Variants in WAC observed in about 807,000 individuals in gnomAD.
WAC encodes WW domain containing adaptor with coiled-coil.
A neutral mutation model predicts 79.6 loss-of-function variants in WAC; 11 were observed. That is an observed-to-expected ratio of 0.14 (90% CI 0.09 to 0.23). WAC has a LOEUF of 0.23. Ranked by LOEUF, WAC falls within the 10% of genes least tolerant of loss-of-function variation. The pLI, the probability that WAC is intolerant of heterozygous loss-of-function variation, is 1.00. For missense variants in WAC, 728 were observed against 773.5 expected (o/e 0.94, Z 0.70); for synonymous variants, 304 against 276.9 (o/e 1.10, Z -0.97).
At chr10:28,601,152 A>C (rs1270805558) in intron 7 of WAC, among the ~76,000 whole-genome samples, 2 of 152,142 alleles carry the variant, frequency 1.3e-5, no homozygotes, top group African/African-American at 4.8e-5. Context: ...TCATAGAATG[A>C]AAATATTTGT....
chr10:28,614,304 A>G (rs924874661), intron 10 of WAC, among the ~76,000 whole-genome samples: 5 of 146,792 alleles, frequency 3.4e-5, no homozygotes, highest in African/African-American at 1.2e-4. Flanking sequence ...ACGGGGTTTC[A>G]CCGTGGTCTC....
intron 3 of WAC, among the ~76,000 whole-genome samples, chr10:28,537,400 T>A (rs1375200644): frequency 2.9e-4 from 44 of 152,234 alleles, no homozygotes; most frequent in Non-Finnish European, 2.9e-5. Context: ...TGTACTATAC[T>A]GTATTTATTT....
rs529399924 is a variant in WAC at position 28,620,159 on chromosome 10, A to G, written c.*553A>G. ...GTGCTTCTCCATTTGTTTTGCAGAG[A>G]AATGTTTTTCATTTCCCGTGTGTTT... On this transcript the variant is annotated 3_prime_UTR_variant, in exon 14 of 14. Transcript: ENST00000354911. 9.2e-5 allele frequency: 14 copies of G among 152,702 alleles called. No homozygotes were observed. Among genetic ancestry groups the G allele is most frequent in the Admixed American group, 5.2e-4 (8 of 15,280 alleles). 9.5% of individuals were successfully genotyped at this position (152,702 alleles called of 1,614,324 possible).
At chr10:28,583,885 C>G (rs951330609) in intron 4 of WAC, among the ~76,000 whole-genome samples, 1 of 152,168 alleles carries the variant, frequency 6.6e-6, no homozygotes, top group Non-Finnish European at 1.5e-5. Flanking sequence ...CATTTATTAT[C>G]TACTGTGTCT....
chr10:28,548,110 A>G (rs1837462602), intron 3 of WAC, among the ~76,000 whole-genome samples: 1 of 151,340 alleles, frequency 6.6e-6, no homozygotes, highest in South Asian at 2.1e-4. Context: ...TTTAGTAGAA[A>G]CAGGGTTTTA....
At chr10:28,550,956 A>G (rs1017655348) in intron 3 of WAC, among the ~76,000 whole-genome samples, 5 of 152,212 alleles carry the variant, frequency 3.3e-5, no homozygotes, top group African/African-American at 9.6e-5. Context: ...CTGAAGTGAC[A>G]TTTTAAATTT....
At chr10:28,588,983 A>T (rs1481579508) in intron 4 of WAC, 4 of 152,180 alleles carry the variant, frequency 2.6e-5, no homozygotes, top group Non-Finnish European at 5.9e-5. Context: ...CCTGGGGGCA[A>T]TTAGATACTT....
chr10:28,593,926 A>G (rs371443292), intron 6 of WAC, among the ~76,000 whole-genome samples: 45 of 152,114 alleles, frequency 3.0e-4, no homozygotes, highest in African/African-American at 1.0e-3. Context: ...CACTAATGAC[A>G]CTTTGGGTGA....
At chr10:28,588,788 GATAC>G (rs1274700258) in intron 4 of WAC, 4 of 151,972 alleles carry the variant, frequency 2.6e-5, no homozygotes, top group South Asian at 2.1e-4. Context: ...GTGATGTTTC[GATAC>G]ATACAGTATA....
intron 3 of WAC, among the ~76,000 whole-genome samples, chr10:28,546,869 T>C (rs1837375387): frequency 1.1e-5 from 1 of 92,692 alleles, no homozygotes; most frequent in African/African-American, 3.6e-5. Flanking sequence ...TGATTTGTCT[T>C]TTTTTTTTTT....
At chr10:28,563,744 C>CCTTTTTTTTTTTTTTTTTT (rs1838427055) in intron 3 of WAC, among the ~76,000 whole-genome samples, 1 of 67,936 alleles carries the variant, frequency 1.5e-5, no homozygotes, top group East Asian at 9.6e-4. Flanking sequence ...CTACACCCAG[C>CCTTTTTTTTTTTTTTTTTT]TTTTTTTTTT....
At chr10:28,564,940 A>G (rs1838517124) in intron 3 of WAC, among the ~76,000 whole-genome samples, 2 of 152,192 alleles carry the variant, frequency 1.3e-5, no homozygotes, top group Non-Finnish European at 2.9e-5. Flanking sequence ...CACGGTCAAG[A>G]TACAGAGCAG....
At chr10:28,576,558 TG>T (rs1839255663) in intron 3 of WAC, among the ~76,000 whole-genome samples, 1 of 152,234 alleles carries the variant, frequency 6.6e-6, no homozygotes, top group South Asian at 2.1e-4. Flanking sequence ...TATTGGTTCA[TG>T]TGTAAAAAAG....
chr10:28,554,233 T>A (rs1327818185), intron 3 of WAC, among the ~76,000 whole-genome samples: 2 of 152,194 alleles, frequency 1.3e-5, no homozygotes, highest in Non-Finnish European at 2.9e-5. Context: ...CTACTTCATA[T>A]AAGGGAATTG....
Position 28,534,908 on chromosome 10 carries a change from T to G in WAC, c.79-654T>G, listed in dbSNP as rs150175546. Reference sequence around the variant, plus strand: ...TAGCTGATTACACATTGCAACAGATTAGTACATCATGATTGTCTTAAGATA... The same window carrying G: ...TAGCTGATTACACATTGCAACAGATGAGTACATCATGATTGTCTTAAGATA... On this transcript the variant is annotated intron_variant, in intron 2 of 13. Transcript: ENST00000354911. Among the ~76,000 whole-genome samples the G allele has an allele frequency of 1.4e-4, 22 of 152,336 alleles. No homozygotes were observed. In the East Asian group the frequency reaches 4.1e-3, roughly 28 times the overall value.
chr10:28,574,505 C>T (rs188667572), intron 3 of WAC, among the ~76,000 whole-genome samples: 27 of 152,180 alleles, frequency 1.8e-4, no homozygotes, highest in African/African-American at 5.3e-4. Context: ...TGCAGTGGTG[C>T]AATCTCAGCT....
intron 4 of WAC, among the ~76,000 whole-genome samples, chr10:28,585,511 A>G (rs1248457725): frequency 1.3e-5 from 2 of 151,746 alleles, no homozygotes; most frequent in Admixed American, 1.3e-4. Flanking sequence ...CTATCGTCAA[A>G]CTATTTGTGA....
intron 4 of WAC, among the ~76,000 whole-genome samples, chr10:28,586,835 A>C (rs1454881477): frequency 6.6e-6 from 1 of 152,220 alleles, no homozygotes; most frequent in African/African-American, 2.4e-5. Flanking sequence ...ACTGTAATTG[A>C]GATTTTCCCT....
In WAC at chr10:28,621,140, T is replaced by G. The variant is rs938816777; in HGVS notation, c.*1534T>G. 3 of 151,720 alleles carry G rather than the reference T, an allele frequency of 2.0e-5. No individual in the cohort carries two copies. Among genetic ancestry groups the G allele is most frequent in the Admixed American group, 6.6e-5 (1 of 15,228 alleles). 9.4% of individuals were successfully genotyped at this position (151,720 alleles called of 1,614,324 possible). ...CAAAAAAACCTTTACCATCAAAATCTTGCCATCTGATTTAGAAAGGTGTTT... is the reference window on the plus strand; with the variant it reads ...CAAAAAAACCTTTACCATCAAAATCGTGCCATCTGATTTAGAAAGGTGTTT... On this transcript the variant is annotated 3_prime_UTR_variant, in exon 14 of 14. Coordinates refer to ENST00000354911, the MANE Select transcript of WAC (RefSeq NM_016628.5).
Sources: allele counts gnomAD v4.1 joint callset (sites outside exome capture counted in the v4.1 genomes callset), GRCh38; gene constraint gnomAD v4.1.1; transcripts MANE v1.5; gene names NCBI Gene and HGNC (gene_info 2026-07-23, HGNC 2026-07-21).